The following RYR2 variants were observed in gnomAD, a reference collection of about 807,000 sequenced individuals.
The protein encoded by RYR2 is ryanodine receptor 2.
In RYR2, 227 loss-of-function variants were observed where a neutral mutation model predicts 601.1. That is an observed-to-expected ratio of 0.38 (90% CI 0.34 to 0.42). The LOEUF (loss-of-function observed/expected upper bound fraction) is 0.42, where lower values mean the gene tolerates loss of function less well. Among genes scored for constraint, RYR2 ranks in the 10% least tolerant of loss-of-function variants. RYR2 has a pLI of 1.00. For missense variants in RYR2, 4,646 were observed against 6,156.5 expected (o/e 0.75, Z 8.21); for synonymous variants, 2,223 against 2,175.1 (o/e 1.02, Z -0.61).
At chr1:237,186,516 A>G (rs1679356489) in intron 1 of RYR2, among the ~76,000 whole-genome samples, 1 of 152,182 alleles carries the variant, frequency 6.6e-6, no homozygotes, top group Admixed American at 6.5e-5. Flanking sequence ...TATGGTATCA[A>G]TGATCCCTAA....
At chr1:237,793,100 CTTTA>C (rs1332823750) in intron 94 of RYR2, among the ~76,000 whole-genome samples, 1 of 152,188 alleles carries the variant, frequency 6.6e-6, no homozygotes, top group Non-Finnish European at 1.5e-5. Context: ...ACTGTAATGC[CTTTA>C]TTTCACTTTC....
chr1:237,227,172 T>C (rs1282166204), intron 1 of RYR2, among the ~76,000 whole-genome samples: 3 of 152,190 alleles, frequency 2.0e-5, no homozygotes. Flanking sequence ...GTTCCTATTA[T>C]ACAGCATGGT....
At chr1:237,710,163 A>G (rs536884105) in intron 70 of RYR2, among the ~76,000 whole-genome samples, 67 of 152,362 alleles carry the variant, frequency 4.4e-4, no homozygotes, top group Admixed American at 7.8e-4. Context: ...GATTTTAATC[A>G]TAACAATCGT....
chr1:237,070,598 C>T (rs967921082), intron 1 of RYR2, among the ~76,000 whole-genome samples: 41 of 152,142 alleles, frequency 2.7e-4, no homozygotes, highest in African/African-American at 8.9e-4. Context: ...CCCACATGGC[C>T]CGGCAGGCTG....
chr1:237,503,342 C>T lies in RYR2; in HGVS notation c.2450C>T (p.Pro817Leu), dbSNP rs747582933. The T allele has an allele frequency of 6.2e-7, 1 of 1,613,848 alleles. No homozygotes were observed. The highest frequency in any genetic ancestry group is 1.1e-5 in the South Asian group (1 of 91,068). The change falls in exon 22 of 105, where the codon CCT (proline) becomes CTT (leucine). Residue 817 changes from proline (P) to leucine (L), a missense_variant. Transcript: ENST00000366574. Reference sequence around the variant, plus strand: ...GGAGAATTCAAATTTCTTCCTCCACCTGGGTATGCTCCTTGTTATGAAGCT... The same window carrying T: ...GGAGAATTCAAATTTCTTCCTCCACTTGGGTATGCTCCTTGTTATGAAGCT... ...RHGEFKFLPPPGYAPCYEAVL... is the reference protein window; with the variant it reads ...RHGEFKFLPPLGYAPCYEAVL...
chr1:237,816,795 T>A (rs1021120591), intron 100 of RYR2, among the ~76,000 whole-genome samples: 1 of 152,118 alleles, frequency 6.6e-6, no homozygotes, highest in Non-Finnish European at 1.5e-5. Flanking sequence ...GTGAAAATAG[T>A]TTCCCCTTCT....
chr1:237,071,190 G>A (rs187746913), intron 1 of RYR2, among the ~76,000 whole-genome samples: 58 of 152,010 alleles, frequency 3.8e-4, no homozygotes, highest in African/African-American at 1.3e-3. Context: ...TCTTCCTGAC[G>A]AGTGTGCGAG....
intron 1 of RYR2, among the ~76,000 whole-genome samples, chr1:237,131,486 T>G (rs1672167910): frequency 6.6e-6 from 1 of 152,062 alleles, no homozygotes. Context: ...GGCCCAGATA[T>G]TTGAACTATT....
chr1:237,416,347 G>A (rs1023639819), intron 10 of RYR2, among the ~76,000 whole-genome samples: 3 of 152,128 alleles, frequency 2.0e-5, no homozygotes, highest in South Asian at 2.1e-4. Flanking sequence ...ATCAGCTTTG[G>A]TTTCCAAAAT....
At chr1:237,538,506 T>A (rs1453499663) in intron 25 of RYR2, among the ~76,000 whole-genome samples, 2 of 146,188 alleles carry the variant, frequency 1.4e-5, no homozygotes, top group African/African-American at 5.1e-5. Flanking sequence ...GCCTGGTGGC[T>A]CACAGCTGTA....
At chr1:237,685,259 C>A (rs1686280320) in intron 62 of RYR2, among the ~76,000 whole-genome samples, 1 of 152,048 alleles carries the variant, frequency 6.6e-6, no homozygotes, top group African/African-American at 2.4e-5. Flanking sequence ...CTATGAATAC[C>A]ATGCCCTAAA....
chr1:237,324,625 T>C (rs1343872232), intron 2 of RYR2, among the ~76,000 whole-genome samples: 3 of 152,216 alleles, frequency 2.0e-5, no homozygotes, highest in Non-Finnish European at 4.4e-5. Context: ...TATCATGCAT[T>C]GATTTTCTTC....
chr1:237,235,081 A>C (rs1685425252), intron 1 of RYR2, among the ~76,000 whole-genome samples: 1 of 152,072 alleles, frequency 6.6e-6, no homozygotes, highest in South Asian at 2.1e-4. Flanking sequence ...CACACTTCTG[A>C]CTGATTGTTG....
At chr1:237,081,819 C>G (rs754593128) in intron 1 of RYR2, among the ~76,000 whole-genome samples, 2 of 152,100 alleles carry the variant, frequency 1.3e-5, no homozygotes, top group Non-Finnish European at 2.9e-5. Flanking sequence ...TTCAGTTTCT[C>G]CTGCGGCATG....
intron 17 of RYR2, among the ~76,000 whole-genome samples, chr1:237,475,113 T>C (rs1661256404): frequency 6.6e-6 from 1 of 152,210 alleles, no homozygotes; most frequent in Non-Finnish European, 1.5e-5. Context: ...CTCTATAGGT[T>C]AGGTAACATT....
At chr1:237,369,044 G>C (rs1700432090) in intron 5 of RYR2, among the ~76,000 whole-genome samples, 1 of 151,860 alleles carries the variant, frequency 6.6e-6, no homozygotes, top group African/African-American at 2.4e-5. Context: ...GGTTGGTCTC[G>C]AACTCCTGAC....
rs371423732 is a variant in RYR2, at chr1:237,590,187, T to G, written c.3807+186T>G. The stretch of plus-strand genomic sequence containing the variant: ...CAGCTATCAGTGGATGGGAAACTTT[T>G]AAATTTTTGCTTTCAATTCTTTTTT... On this transcript the variant is annotated intron_variant, in intron 30 of 104. Coordinates refer to ENST00000366574, the MANE Select transcript of RYR2 (RefSeq NM_001035.3). Among the ~76,000 whole-genome samples, 13 of 149,096 alleles carry G rather than the reference T, an allele frequency of 8.7e-5. No individual in the cohort carries two copies. In the East Asian group the frequency reaches 2.4e-3, roughly 27 times the overall value.
At chr1:237,200,078 T>C (rs268790) in intron 1 of RYR2, among the ~76,000 whole-genome samples, 66,039 of 151,938 alleles carry the variant, frequency 0.43, 15,392 homozygotes, top group Admixed American at 0.51. Flanking sequence ...CATCACTCTT[T>C]TAAACATAAG....
At chr1:237,728,551 A>T (rs1690395677) in intron 76 of RYR2, among the ~76,000 whole-genome samples, 2 of 152,164 alleles carry the variant, frequency 1.3e-5, no homozygotes, top group Admixed American at 6.5e-5. Flanking sequence ...CATCAATGAT[A>T]GACTGGATAA....
Sources: gnomAD v4.1 joint callset for allele counts (sites outside exome capture counted in the v4.1 genomes callset) on GRCh38, gnomAD v4.1.1 for gene constraint, MANE v1.5 for transcripts, NCBI Gene and HGNC (gene_info 2026-07-23, HGNC 2026-07-21) for gene names.